The following TMEM67 variants were observed in gnomAD, a reference collection of about 807,000 sequenced individuals.
TMEM67 encodes meckelin.
Under a neutral mutation model 136.6 loss-of-function variants are expected in TMEM67, and 124 were observed. The observed-to-expected ratio is 0.91, with a 90% CI of 0.78 to 1.05. TMEM67 has a LOEUF of 1.05. Ranked by LOEUF, TMEM67 falls within the 50% of genes least tolerant of loss-of-function variation. The pLI, the probability that TMEM67 is intolerant of heterozygous loss-of-function variation, is 0.00. For synonymous variants in TMEM67, 364 were observed against 390.5 expected, an observed-to-expected ratio of 0.93 and a Z score of 0.80; for missense variants, 1,107 against 1,178.4, an observed-to-expected ratio of 0.94 and a Z score of 0.89.
intron 7 of TMEM67, among the ~76,000 whole-genome samples, chr8:93,779,441 G>A (rs1813709506): frequency 6.6e-6 from 1 of 152,002 alleles, no homozygotes; most frequent in Non-Finnish European, 1.5e-5. Flanking sequence ...GAGGCACTCT[G>A]GTTTTTAGAA....
At chr8:93,758,374 A>C in intron 2 of TMEM67, 109 bp from the exon 3 acceptor site, 1 of 783,986 alleles carries the variant, frequency 1.3e-6, no homozygotes, top group Non-Finnish European at 2.1e-6. Context: ...TGTATGATTT[A>C]TTTGAATATT....
downstream of TMEM67, among the ~76,000 whole-genome samples, chr8:93,819,686 AC>A: frequency 6.6e-6 from 1 of 152,200 alleles, no homozygotes; most frequent in Non-Finnish European, 1.5e-5. Context: ...ACAAAAAAAA[AC>A]AAGTGCAACC....
intron 9 of TMEM67, among the ~76,000 whole-genome samples, 194 bp from the exon 10 acceptor site, chr8:93,781,464 A>T (rs113961122): frequency 4.5e-4 from 69 of 152,216 alleles, no homozygotes; most frequent in Middle Eastern, 6.8e-3. Context: ...TAGAATAATA[A>T]TTTTCATGCA....
At chr8:93,796,757 A>G (rs1423775158) in intron 18 of TMEM67, among the ~76,000 whole-genome samples, 2 of 152,254 alleles carry the variant, frequency 1.3e-5, no homozygotes, top group Admixed American at 6.5e-5. Flanking sequence ...ATAGTTGAAA[A>G]TATCTTTACT....
At chr8:93,821,683 G>T (rs531543167), downstream of TMEM67, among the ~76,000 whole-genome samples, 1 of 152,294 alleles carries the variant, frequency 6.6e-6, no homozygotes, top group South Asian at 2.1e-4. Context: ...TGGATCACTT[G>T]ATCTCAGGAG....
chr8:93,832,081 G>T, the TMEM67 span, among the ~76,000 whole-genome samples: 1 of 152,010 alleles, frequency 6.6e-6, no homozygotes, highest in African/African-American at 2.4e-5. Flanking sequence ...GTGCTCCTAG[G>T]GCCAACTTTC....
At chr8:93,782,579 T>G (rs1165889736) in intron 11 of TMEM67, 119 bp downstream of exon 11, 17 of 772,424 alleles carry the variant, frequency 2.2e-5, no homozygotes, top group Middle Eastern at 4.0e-4. Flanking sequence ...TGGTTTTTTT[T>G]TTTTTTTTTT....
At chr8:93,804,305 CTTTTCTTTTTT>C (rs1276403806) in intron 22 of TMEM67, among the ~76,000 whole-genome samples, 1 of 90,074 alleles carries the variant, frequency 1.1e-5, no homozygotes, top group African/African-American at 4.0e-5. Context: ...TTTCTCTTTT[CTTTTCTTTTTT>C]TTTTTTTTTT....
Position 93,809,778 on chromosome 8 carries a change from T to G in TMEM67, c.2662-7T>G. On this transcript the variant is annotated splice_polypyrimidine_tract_variant and splice_region_variant and intron_variant, in intron 25 of 27. Transcript: ENST00000453321. ...TTGTGAAATGATGCTGTCTTTTTCTTTATTAGGTTCATAAGGAAATGGATT... is the reference window on the plus strand; with the variant it reads ...TTGTGAAATGATGCTGTCTTTTTCTGTATTAGGTTCATAAGGAAATGGATT... The G allele has an allele frequency of 6.8e-7, 1 of 1,480,124 alleles. No individual in the cohort carries two copies. Among genetic ancestry groups the G allele is most frequent in the Non-Finnish European group, 9.4e-7 (1 of 1,059,092 alleles). 91.7% of individuals were successfully genotyped at this position (1,480,124 alleles called of 1,614,324 possible).
rs1217412249 is a variant in TMEM67 at position 93,755,137 on chromosome 8, G to A, written c.223G>A (p.Gly75Arg). Residue 75 changes from glycine (G) to arginine (R), a missense_variant and splice_region_variant, in exon 1 of 28, where the codon GGA becomes AGA. Gly to Arg is a moderately radical substitution (Grantham distance 125). Around this residue, in one of 3 missense-constraint regions of TMEM67, gnomAD observed 178 missense variants for 159.2 expected, o/e 1.12. Coordinates refer to ENST00000453321, the MANE Select transcript of TMEM67 (RefSeq NM_153704.6). ...CGANQRQDAR[G>R]TSCVCLPGFQ... ...AGCTAACCAGAGGCAAGATGCCCGA[G>A]GTAAGACGGTTTGCGGTGGGCCCTG... 1.2e-6 allele frequency: 2 copies of A among 1,614,056 alleles called. No homozygotes were observed. The highest frequency in any genetic ancestry group is 1.7e-5 in the Admixed American group (1 of 60,026).
chr8:93,778,618 T>G lies in TMEM67; in HGVS notation c.715-1975T>G, dbSNP rs553601855. On this transcript the variant is annotated intron_variant, in intron 7 of 27. Coordinates refer to ENST00000453321, the MANE Select transcript of TMEM67 (RefSeq NM_153704.6). Reference sequence around the variant, plus strand: ...TTATTTCTCCTTCACTTATGAAGCTTAGTTTGGCTGGATATGAAATTCTGG... The same window carrying G: ...TTATTTCTCCTTCACTTATGAAGCTGAGTTTGGCTGGATATGAAATTCTGG... Among the ~76,000 whole-genome samples, 8 of 152,316 alleles carry G rather than the reference T, an allele frequency of 5.3e-5. No individual in the cohort carries two copies. In the South Asian group the frequency reaches 1.2e-3, roughly 24 times the overall value.
chr8:93,783,281 C>G (rs1041995444), intron 11 of TMEM67, among the ~76,000 whole-genome samples: 7 of 152,266 alleles, frequency 4.6e-5, no homozygotes, highest in African/African-American at 1.7e-4. Context: ...CCACCTCGTC[C>G]GGCCTAGAGT....
In TMEM67 at chr8:93,755,051, C is replaced by A. The variant is rs199708882; in HGVS notation, c.137C>A (p.Pro46Gln). ...ACCTTCTCTTTCCCTTTCCAGCAGC[C>A]GGAGAAGTGCGACAACAACCAGTAC... ...AQTFSFPFQQ[P>Q]EKCDNNQYFD... is the part of the protein sequence containing the mutation. The change falls in exon 1 of 28, where the codon CCG becomes CAG. Residue 46 changes from proline to glutamine, a missense_variant. Around this residue, in one of 3 missense-constraint regions of TMEM67, gnomAD observed 178 missense variants for 159.2 expected, o/e 1.12. Transcript: ENST00000453321. 15 of 1,614,170 alleles carry A rather than the reference C, an allele frequency of 9.3e-6. No homozygotes were observed. The African/African-American group carries it at 1.9e-4, about 20-fold the overall frequency.
intron 26 of TMEM67, 57 bp from the exon 27 acceptor site, chr8:93,815,248 C>A: frequency 7.9e-7 from 1 of 1,271,946 alleles, no homozygotes; most frequent in Non-Finnish European, 1.1e-6. Context: ...AGAAGTTTAT[C>A]ACAGACTTGT....
At position 93,803,698 on chromosome 8, in the gene TMEM67, G is replaced by A. The variant is rs772375088; in HGVS notation, c.2322+14G>A. 3.5e-6 allele frequency: 5 copies of A among 1,416,638 alleles called. No individual in the cohort carries two copies. The Admixed American group carries it at 6.7e-5, about 19-fold the overall frequency. 87.8% of individuals were successfully genotyped at this position (1,416,638 alleles called of 1,614,324 possible). A position where few individuals can be genotyped will look rare whatever the true frequency, so the allele number is the denominator to read the frequency against. On this transcript the variant is annotated intron_variant, in intron 22 of 27. Transcript: ENST00000453321. ...TCTATGAGTAATGTAAGTACTTTCT[G>A]ACTTCATCTTGCAACTGTTACTTTC... is the stretch of plus-strand genomic sequence containing the variant.
At chr8:93,813,274 G>A (rs2130793434) in intron 26 of TMEM67, among the ~76,000 whole-genome samples, 1 of 152,114 alleles carries the variant, frequency 6.6e-6, no homozygotes. Context: ...CGCCTCCCAG[G>A]TTCAAGCAGT....
intron 1 of TMEM67, among the ~76,000 whole-genome samples, chr8:93,755,426 T>G (rs1812524639): frequency 6.6e-6 from 1 of 152,230 alleles, no homozygotes. Context: ...AGCAGCATAA[T>G]ACCAGCTGTG....
At position 93,804,892 on chromosome 8, in the gene TMEM67, T is replaced by A. The variant is rs745467696; in HGVS notation, c.2439+14T>A. 7.1e-7 allele frequency: 1 copy of A among 1,412,666 alleles called. No homozygotes were observed. The highest frequency in any genetic ancestry group is 1.2e-5 in the South Asian group (1 of 86,862). The allele number at this position is 1,412,666 out of a possible 1,614,324, so 87.5% of individuals were successfully genotyped here. On this transcript the variant is annotated intron_variant, in intron 23 of 27. Transcript: ENST00000453321. ...AAAAGAGAAGCGGTATGAAAATGTT[T>A]TACATCTTTTTGTTTTTAAGTTGAG...
intron 7 of TMEM67, among the ~76,000 whole-genome samples, chr8:93,777,470 G>A (rs1324352736): frequency 6.6e-6 from 1 of 152,068 alleles, no homozygotes; most frequent in Non-Finnish European, 1.5e-5. Flanking sequence ...GATCTTTCCT[G>A]CTTTCTTATG....
Sources: allele counts gnomAD v4.1 joint callset (sites outside exome capture counted in the v4.1 genomes callset), GRCh38; gene constraint gnomAD v4.1.1; regional missense constraint gnomAD v4.1.1; transcripts MANE v1.5; gene names NCBI Gene and HGNC (gene_info 2026-07-23, HGNC 2026-07-21).